SLC10A7: variants seen among roughly 807,000 people sequenced by gnomAD.
SLC10A7 encodes the protein solute carrier family 10 member 7, also known as sodium/bile acid cotransporter 7.
A neutral mutation model predicts 43.2 loss-of-function variants in SLC10A7; 29 were observed. The observed-to-expected ratio is 0.67, with a 90% CI of 0.50 to 0.92. SLC10A7 has a LOEUF of 0.92. SLC10A7 is among the 40% of genes least tolerant of loss of function. The pLI is 0.00. For missense variants in SLC10A7, 295 were observed against 403.2 expected (o/e 0.73, Z 2.30); for synonymous variants, 152 against 144.8 (o/e 1.05, Z -0.35).
chr4:146,332,349 G>C (rs1299007825), intron 5 of SLC10A7, among the ~76,000 whole-genome samples: 1 of 152,170 alleles, frequency 6.6e-6, no homozygotes, highest in African/African-American at 2.4e-5. Flanking sequence ...TTGGCTCTGT[G>C]TCCCCACCCA....
chr4:146,429,381 G>A (rs116107843), intron 5 of SLC10A7, among the ~76,000 whole-genome samples: 1 of 152,232 alleles, frequency 6.6e-6, no homozygotes, highest in Non-Finnish European at 1.5e-5. Context: ...TTCATTGGGT[G>A]ATTTCTGTCT....
intron 4 of SLC10A7, among the ~76,000 whole-genome samples, chr4:146,481,972 C>T (rs1734512927): frequency 1.3e-5 from 2 of 152,180 alleles, no homozygotes; most frequent in South Asian, 4.1e-4. Context: ...TGTGAAACCA[C>T]CACCACAGAG....
Position 146,448,579 on chromosome 4 carries a change from A to G in SLC10A7, c.397-5758T>C, listed in dbSNP as rs543912828. Among the ~76,000 whole-genome samples the G allele has an allele frequency of 4.6e-5, 7 of 152,342 alleles. No homozygotes were observed. The East Asian group carries it at 1.3e-3, about 29-fold the overall frequency. ...TGAGGTTACTAAATAAAAAAAAGGT[A>G]AAATCCATTATTTACATTGAGTATG... On this transcript the variant is annotated intron_variant, in intron 4 of 11. Transcript: ENST00000335472.
intron 5 of SLC10A7, among the ~76,000 whole-genome samples, chr4:146,409,924 A>G (rs1728056486): frequency 6.6e-6 from 1 of 152,218 alleles, no homozygotes; most frequent in Admixed American, 6.5e-5. Flanking sequence ...GAAATAAGCA[A>G]TTAATCTTAA....
chr4:146,373,001 C>A (rs1736902104), intron 5 of SLC10A7, among the ~76,000 whole-genome samples: 2 of 152,096 alleles, frequency 1.3e-5, no homozygotes, highest in Admixed American at 1.3e-4. Context: ...ATCAATCAGC[C>A]ACATCAGAGA....
chr4:146,463,036 G>A (rs929696611), intron 4 of SLC10A7, among the ~76,000 whole-genome samples: 2 of 152,126 alleles, frequency 1.3e-5, no homozygotes, highest in Non-Finnish European at 2.9e-5. Context: ...CATGGTTAGA[G>A]ATCCAGTTAA....
intron 8 of SLC10A7, among the ~76,000 whole-genome samples, 183 bp from the exon 9 acceptor site, chr4:146,293,163 C>CTTAT (rs1326158578): frequency 6.6e-6 from 1 of 152,156 alleles, no homozygotes; most frequent in Non-Finnish European, 1.5e-5. Context: ...TCAGTCTGTT[C>CTTAT]TTATTGATGA....
At chr4:146,432,249 T>C (rs538192450) in intron 5 of SLC10A7, among the ~76,000 whole-genome samples, 10 of 152,326 alleles carry the variant, frequency 6.6e-5, no homozygotes, top group African/African-American at 2.4e-4. Context: ...TGTTAAAATA[T>C]ACTCACTATA....
At chr4:146,471,122 T>A (rs1160252230) in intron 4 of SLC10A7, among the ~76,000 whole-genome samples, 1 of 152,220 alleles carries the variant, frequency 6.6e-6, no homozygotes, top group Non-Finnish European at 1.5e-5. Flanking sequence ...CTGCATTATA[T>A]ATACTTACTG....
At position 146,481,149 on chromosome 4, in the gene SLC10A7, C is replaced by T. The variant is rs937137816; in HGVS notation, c.396+22700G>A. 3.3e-5 allele frequency among the ~76,000 whole-genome samples: 5 copies of T among 152,246 alleles called. No individual in the cohort carries two copies. The East Asian group carries it at 5.8e-4, about 18-fold the overall frequency. On this transcript the variant is annotated intron_variant, in intron 4 of 11. Coordinates refer to ENST00000335472, the MANE Select transcript of SLC10A7 (RefSeq NM_001029998.6). ...CACCCTCGAGAATACAGAAGCTCCC[C>T]GGACTGCTGTAGCCATGCTTTCTGG... is the stretch of plus-strand genomic sequence containing the variant.
In SLC10A7 at chr4:146,360,990, G is replaced by A. The variant is rs562329261; in HGVS notation, c.436-34994C>T. On this transcript the variant is annotated intron_variant, in intron 5 of 11. Coordinates refer to ENST00000335472, the MANE Select transcript of SLC10A7 (RefSeq NM_001029998.6). ...ATGCTGTTCCCTCTACTAGGAACAT[G>A]TATTTTCTGCTCTCTACTCCCTACA... is the stretch of plus-strand genomic sequence containing the variant. Among the ~76,000 whole-genome samples, 3 of 152,196 alleles carry A rather than the reference G, an allele frequency of 2.0e-5. No homozygotes were observed. The South Asian group carries it at 6.2e-4, about 32-fold the overall frequency.
chr4:146,447,743 G>T (rs957476401), intron 4 of SLC10A7, among the ~76,000 whole-genome samples: 1 of 151,078 alleles, frequency 6.6e-6, no homozygotes, highest in Admixed American at 6.6e-5. Context: ...CACATTTGTA[G>T]ATAATATATT....
Position 146,360,921 on chromosome 4 carries a change from C to T in SLC10A7, c.436-34925G>A, listed in dbSNP as rs539430817. Reference sequence around the variant, plus strand: ...TCTGATTAGGTCACCCCCCGGCTCACCTATAAGTTCAATGAACTTATTCTC... The same window carrying T: ...TCTGATTAGGTCACCCCCCGGCTCATCTATAAGTTCAATGAACTTATTCTC... On this transcript the variant is annotated intron_variant, in intron 5 of 11. Transcript: ENST00000335472. Among the ~76,000 whole-genome samples the T allele has an allele frequency of 4.6e-5, 7 of 152,216 alleles. No homozygotes were observed. The South Asian group carries it at 1.0e-3, about 23-fold the overall frequency.
intron 4 of SLC10A7, among the ~76,000 whole-genome samples, chr4:146,500,002 C>T (rs1436327545): frequency 5.3e-5 from 8 of 152,128 alleles, no homozygotes; most frequent in Non-Finnish European, 1.2e-4. Context: ...GAGGGAATCA[C>T]CATTAGACAA....
intron 3 of SLC10A7, among the ~76,000 whole-genome samples, chr4:146,506,162 A>G (rs1190333299): frequency 1.3e-5 from 2 of 152,124 alleles, no homozygotes; most frequent in African/African-American, 4.8e-5. Flanking sequence ...TAGTTTTAAA[A>G]AGACAAAAAT....
At chr4:146,446,283 A>G (rs1449687906) in intron 4 of SLC10A7, among the ~76,000 whole-genome samples, 1 of 152,164 alleles carries the variant, frequency 6.6e-6, no homozygotes, top group Non-Finnish European at 1.5e-5. Flanking sequence ...GTCCTACTGT[A>G]TTGAAATGAC....
At chr4:146,373,839 C>T (rs1042065744) in intron 5 of SLC10A7, among the ~76,000 whole-genome samples, 3 of 152,078 alleles carry the variant, frequency 2.0e-5, no homozygotes, top group Non-Finnish European at 4.4e-5. Flanking sequence ...AGAACCACTG[C>T]TCAGATTTGG....
intron 5 of SLC10A7, among the ~76,000 whole-genome samples, chr4:146,411,084 T>C (rs1227413047): frequency 6.6e-6 from 1 of 152,132 alleles, no homozygotes; most frequent in Non-Finnish European, 1.5e-5. Flanking sequence ...ATTCACCTGC[T>C]CTGGACTCCC....
chr4:146,491,638 G>A (rs1008957110), intron 4 of SLC10A7, among the ~76,000 whole-genome samples: 1 of 149,810 alleles, frequency 6.7e-6, no homozygotes, highest in African/African-American at 2.5e-5. Flanking sequence ...TTCTGCCTGT[G>A]TGAAGAAAGA....
Sources: gnomAD v4.1 joint callset for allele counts (sites outside exome capture counted in the v4.1 genomes callset) on GRCh38, gnomAD v4.1.1 for gene constraint, MANE v1.5 for transcripts, NCBI Gene and HGNC (gene_info 2026-07-23, HGNC 2026-07-21) for gene names.